MACROD2: variants seen among roughly 807,000 people sequenced by gnomAD.
The protein encoded by MACROD2 is mono-ADP ribosylhydrolase 2, also known as ADP-ribose glycohydrolase MACROD2.
A neutral mutation model predicts 70.4 loss-of-function variants in MACROD2; 36 were observed. That is an observed-to-expected ratio of 0.51 (90% CI 0.39 to 0.68). The LOEUF (loss-of-function observed/expected upper bound fraction) is 0.68, where lower values mean the gene tolerates loss of function less well. MACROD2 is among the 30% of genes least tolerant of loss of function. The pLI, the probability that MACROD2 is intolerant of heterozygous loss-of-function variation, is 0.00. For missense variants in MACROD2, 496 were observed against 538.4 expected, an observed-to-expected ratio of 0.92 and a Z score of 0.78; for synonymous variants, 172 against 178.8, an observed-to-expected ratio of 0.96 and a Z score of 0.30.
intron 6 of MACROD2, among the ~76,000 whole-genome samples, chr20:15,326,733 G>A (rs886455645): frequency 2.2e-4 from 34 of 152,136 alleles, no homozygotes; most frequent in African/African-American, 7.7e-4. Flanking sequence ...TGCCTCTCCC[G>A]TGTCCCCATC....
intron 15 of MACROD2, among the ~76,000 whole-genome samples, chr20:16,003,026 A>C (rs1249392491): frequency 2.0e-5 from 3 of 151,516 alleles, no homozygotes; most frequent in Non-Finnish European, 4.4e-5. Flanking sequence ...TGTACAAGGC[A>C]CTGGGCTCGG....
chr20:14,071,055 G>A (rs753524438), intron 2 of MACROD2, among the ~76,000 whole-genome samples: 1 of 152,024 alleles, frequency 6.6e-6, no homozygotes, highest in Non-Finnish European at 1.5e-5. Flanking sequence ...TCCCTTAGCT[G>A]TTTATCAGAT....
intron 3 of MACROD2, among the ~76,000 whole-genome samples, chr20:14,273,534 A>T (rs1238878447): frequency 6.8e-6 from 1 of 148,046 alleles, no homozygotes; most frequent in Non-Finnish European, 1.5e-5. Context: ...TGCCCACAAG[A>T]GAAAGCAGGA....
chr20:15,069,209 G>T (rs569580063), intron 5 of MACROD2, among the ~76,000 whole-genome samples: 2 of 152,314 alleles, frequency 1.3e-5, no homozygotes, highest in South Asian at 2.1e-4. Flanking sequence ...AAGCATTCAA[G>T]ATGTGGCATG....
At chr20:15,217,252 G>A (rs536642228) in intron 5 of MACROD2, among the ~76,000 whole-genome samples, 23 of 152,210 alleles carry the variant, frequency 1.5e-4, no homozygotes, top group Admixed American at 1.2e-3. Context: ...ATGTATGCAC[G>A]TGGTAAATGC....
chr20:14,662,312 C>T (rs1986264076), intron 4 of MACROD2, among the ~76,000 whole-genome samples: 1 of 152,084 alleles, frequency 6.6e-6, no homozygotes, highest in Non-Finnish European at 1.5e-5. Flanking sequence ...TGGACCCCTT[C>T]CTTTCACCAT....
intron 3 of MACROD2, among the ~76,000 whole-genome samples, chr20:14,419,104 G>A (rs967291641): frequency 6.6e-6 from 1 of 152,048 alleles, no homozygotes; most frequent in African/African-American, 2.4e-5. Flanking sequence ...GCCCAGGCTG[G>A]AGTGCAATGG....
In MACROD2 at chr20:14,368,492, G is replaced by A. The variant is rs185465923; in HGVS notation, c.272-124987G>A. Among the ~76,000 whole-genome samples the A allele has an allele frequency of 7.1e-4, 108 of 151,598 alleles. 2 individuals are homozygous for A. Among genetic ancestry groups the A allele is most frequent in the African/African-American group, 2.6e-3 (106 of 41,316 alleles). On this transcript the variant is annotated intron_variant, in intron 3 of 17. Transcript: ENST00000684519. Reference sequence around the variant, plus strand: ...CGGAAGGCAGAGCTTGCAATGAGCCGAGATCGCACCACTGCACTCTAGCCT... The same window carrying A: ...CGGAAGGCAGAGCTTGCAATGAGCCAAGATCGCACCACTGCACTCTAGCCT...
At chr20:14,748,903 A>G (rs1350205126) in intron 5 of MACROD2, among the ~76,000 whole-genome samples, 1 of 152,100 alleles carries the variant, frequency 6.6e-6, no homozygotes, top group African/African-American at 2.4e-5. Flanking sequence ...ATGCCTCCAT[A>G]GAACCCACAG....
chr20:16,034,355 G>C (rs966259879), intron 15 of MACROD2, among the ~76,000 whole-genome samples: 2 of 151,964 alleles, frequency 1.3e-5, no homozygotes, highest in African/African-American at 4.8e-5. Context: ...ATTGGTCTTT[G>C]ATCTCCTTTC....
chr20:14,224,688 C>T (rs1050811261), intron 3 of MACROD2, among the ~76,000 whole-genome samples: 8 of 152,164 alleles, frequency 5.3e-5, no homozygotes, highest in African/African-American at 1.7e-4. Flanking sequence ...TGAGGCTGCT[C>T]CTGCCCTCTT....
chr20:15,008,324 G>A (rs1438950835), intron 5 of MACROD2, among the ~76,000 whole-genome samples: 1 of 152,114 alleles, frequency 6.6e-6, no homozygotes, highest in Non-Finnish European at 1.5e-5. Flanking sequence ...TATAGATGCT[G>A]TCTCCAAATA....
At chr20:15,450,529 C>T (rs1005333474) in intron 7 of MACROD2, among the ~76,000 whole-genome samples, 4 of 151,642 alleles carry the variant, frequency 2.6e-5, no homozygotes, top group Non-Finnish European at 4.4e-5. Flanking sequence ...AATGTATTAC[C>T]TATTTTGTGT....
At chr20:15,765,561 GAA>G (rs2051509169) in intron 8 of MACROD2, among the ~76,000 whole-genome samples, 1 of 152,116 alleles carries the variant, frequency 6.6e-6, no homozygotes, top group African/African-American at 2.4e-5. Flanking sequence ...CGGTGGGAAA[GAA>G]TATTTTTATT....
intron 2 of MACROD2, among the ~76,000 whole-genome samples, chr20:14,005,766 A>C (rs1236476052): frequency 6.6e-6 from 1 of 151,860 alleles, no homozygotes; most frequent in Non-Finnish European, 1.5e-5. Flanking sequence ...ACGCCTGACT[A>C]ATTTTTGTAT....
chr20:15,754,559 G>A (rs2051319101), intron 8 of MACROD2, among the ~76,000 whole-genome samples: 1 of 151,442 alleles, frequency 6.6e-6, no homozygotes, highest in African/African-American at 2.4e-5. Flanking sequence ...GCAGTGATCT[G>A]AGATTTCTGT....
rs1568534906 is a variant in MACROD2 at position 15,021,240 on chromosome 20, C to CTGTGTACACG, written c.419-208695_419-208694insACACGTGTGT. Among the ~76,000 whole-genome samples the CTGTGTACACG allele has an allele frequency of 2.4e-4, 15 of 62,716 alleles. 3 individuals are homozygous for CTGTGTACACG. The highest frequency in any genetic ancestry group is 0.015 in the Middle Eastern group (1 of 66). 41.1% of individuals were successfully genotyped at this position (62,716 alleles called of 152,430 possible). A position where few individuals can be genotyped will look rare whatever the true frequency, so the allele number is the denominator to read the frequency against. On this transcript the variant is annotated intron_variant, in intron 5 of 17. Coordinates refer to ENST00000684519, the MANE Select transcript of MACROD2 (RefSeq NM_001351661.2). ...CATACAGGTGTGCGTATACACACACCTGTGTGTATGTATACACACACCTGT... is the reference window on the plus strand; with the variant it reads ...CATACAGGTGTGCGTATACACACACCTGTGTACACGTGTGTGTATGTATACACACACCTGT...
intron 5 of MACROD2, among the ~76,000 whole-genome samples, chr20:15,185,254 ATAAT>A (rs764598684): frequency 1.1e-4 from 16 of 152,336 alleles, no homozygotes; most frequent in African/African-American, 2.6e-4. Flanking sequence ...TGAGAAGAAA[ATAAT>A]TAGTCTGTCA....
intron 3 of MACROD2, among the ~76,000 whole-genome samples, chr20:14,473,050 T>C (rs1349467635): frequency 6.6e-6 from 1 of 152,120 alleles, no homozygotes; most frequent in Non-Finnish European, 1.5e-5. Flanking sequence ...AATTGACACA[T>C]AGTAATTATA....
Sources: gnomAD v4.1 joint callset for allele counts (sites outside exome capture counted in the v4.1 genomes callset) on GRCh38, gnomAD v4.1.1 for gene constraint, MANE v1.5 for transcripts, NCBI Gene and HGNC (gene_info 2026-07-23, HGNC 2026-07-21) for gene names.